Variants in SCHIP1 observed in about 807,000 individuals in gnomAD.
The protein encoded by SCHIP1 is schwannomin interacting protein 1.
In SCHIP1, 8 loss-of-function variants were observed where a neutral mutation model predicts 29.7. The observed-to-expected ratio is 0.27, with a 90% CI of 0.16 to 0.49. The LOEUF (loss-of-function observed/expected upper bound fraction) is 0.49. Ranked by LOEUF, SCHIP1 falls within the 20% of genes least tolerant of loss-of-function variation. SCHIP1 has a pLI of 0.99. For synonymous variants in SCHIP1, 76 were observed against 94.9 expected (o/e 0.80, Z 1.16); for missense variants, 193 against 294.6 (o/e 0.66, Z 2.52).
the SCHIP1 span, among the ~76,000 whole-genome samples, chr3:159,554,028 G>GTGTGTGTGTGTGTA: frequency 3.1e-4 from 23 of 73,448 alleles, no homozygotes; most frequent in African/African-American, 2.5e-3. Flanking sequence ...GTTTGTGTAT[G>GTGTGTGTGTGTGTA]TGTGTGTGTG....
chr3:159,591,721 G>C, the SCHIP1 span, among the ~76,000 whole-genome samples: 4 of 152,054 alleles, frequency 2.6e-5, no homozygotes, highest in East Asian at 7.8e-4. Flanking sequence ...TGAACAATGA[G>C]AACACATGAA....
chr3:159,668,405 C>G, the SCHIP1 span, among the ~76,000 whole-genome samples: 2 of 143,314 alleles, frequency 1.4e-5, no homozygotes, highest in East Asian at 2.0e-4. Flanking sequence ...AAGAGTGAGT[C>G]CCATGAAGGA....
chr3:159,726,944 T>C, the SCHIP1 span, among the ~76,000 whole-genome samples: 1 of 152,166 alleles, frequency 6.6e-6, no homozygotes, highest in Non-Finnish European at 1.5e-5. Context: ...TACTTTTATG[T>C]AACCTGTATA....
chr3:159,392,121 G>C, the SCHIP1 span, among the ~76,000 whole-genome samples: 1 of 152,118 alleles, frequency 6.6e-6, no homozygotes, highest in African/African-American at 2.4e-5. Context: ...AAGCACCTCA[G>C]AGTTGGCAAA....
At chr3:159,454,914 G>A in the SCHIP1 span, among the ~76,000 whole-genome samples, 7 of 152,278 alleles carry the variant, frequency 4.6e-5, no homozygotes, top group East Asian at 3.9e-4. Context: ...GAACTATGTG[G>A]AATACTCTTT....
At chr3:159,647,022 T>C in the SCHIP1 span, among the ~76,000 whole-genome samples, 1 of 151,944 alleles carries the variant, frequency 6.6e-6, no homozygotes, top group Non-Finnish European at 1.5e-5. Flanking sequence ...GATAATGGTG[T>C]GTGGTTGTCA....
At chr3:159,339,550 A>G in the SCHIP1 span, among the ~76,000 whole-genome samples, 30 of 152,302 alleles carry the variant, frequency 2.0e-4, no homozygotes, top group African/African-American at 7.0e-4. Flanking sequence ...TTCTTGAAAC[A>G]TGAAACTGCA....
the SCHIP1 span, among the ~76,000 whole-genome samples, chr3:159,602,554 C>T: frequency 3.3e-5 from 5 of 151,814 alleles, no homozygotes; most frequent in Non-Finnish European, 7.4e-5. Context: ...ACTAAAAATA[C>T]AAAAAATAGC....
At chr3:159,423,191 G>A in the SCHIP1 span, among the ~76,000 whole-genome samples, 1 of 152,236 alleles carries the variant, frequency 6.6e-6, no homozygotes, top group Admixed American at 6.5e-5. Context: ...ACTAGGGAGT[G>A]CCAGACAGTG....
chr3:159,765,345 G>T, the SCHIP1 span: 1 of 555,880 alleles, frequency 1.8e-6, no homozygotes, highest in Non-Finnish European at 2.9e-6. Flanking sequence ...CAGGATGGGC[G>T]GAGAGGAAGG....
chr3:159,313,188 CAGA>C, the SCHIP1 span, among the ~76,000 whole-genome samples: 6 of 152,224 alleles, frequency 3.9e-5, no homozygotes, highest in East Asian at 3.9e-4. Context: ...ATAAGGATTA[CAGA>C]AGAAGATTTA....
chr3:159,508,104 T>C, the SCHIP1 span, among the ~76,000 whole-genome samples: 1 of 152,300 alleles, frequency 6.6e-6, no homozygotes, highest in South Asian at 2.1e-4. Context: ...TCCTGGACTT[T>C]TTTGGTCGGT....
the SCHIP1 span, among the ~76,000 whole-genome samples, chr3:159,322,942 C>A: frequency 6.6e-6 from 1 of 152,316 alleles, no homozygotes; most frequent in South Asian, 2.1e-4. Context: ...GTCCGTGACT[C>A]CTCAGTGACC....
At chr3:159,662,626 C>G in the SCHIP1 span, among the ~76,000 whole-genome samples, 6 of 152,232 alleles carry the variant, frequency 3.9e-5, no homozygotes, top group Non-Finnish European at 7.4e-5. Context: ...GGGGAAAGAA[C>G]AAGAATATAT....
At chr3:159,365,967 T>C in the SCHIP1 span, among the ~76,000 whole-genome samples, 8 of 152,180 alleles carry the variant, frequency 5.3e-5, no homozygotes, top group South Asian at 2.1e-4. Context: ...TCAGTTGTAT[T>C]AGACCGCTCT....
the SCHIP1 span, among the ~76,000 whole-genome samples, chr3:159,285,609 A>T: frequency 6.6e-6 from 1 of 152,032 alleles, no homozygotes; most frequent in African/African-American, 2.4e-5. Context: ...TCTCATATCA[A>T]TTATATTTTA....
At chr3:159,449,129 G>T in the SCHIP1 span, among the ~76,000 whole-genome samples, 1 of 152,166 alleles carries the variant, frequency 6.6e-6, no homozygotes, top group Non-Finnish European at 1.5e-5. Context: ...TGCTGGCATG[G>T]CCTTACCTGC....
chr3:159,500,986 A>G, the SCHIP1 span, among the ~76,000 whole-genome samples: 79,844 of 152,014 alleles, frequency 0.53, 21,236 homozygotes, highest in East Asian at 0.69. Context: ...TGCTTTAATC[A>G]ACACAATAGT....
the SCHIP1 span, among the ~76,000 whole-genome samples, chr3:159,451,647 G>GTC: frequency 6.6e-5 from 10 of 152,218 alleles, no homozygotes; most frequent in Non-Finnish European, 8.8e-5. Flanking sequence ...CAATTGCTTA[G>GTC]TCAATACATG....
Sources: allele counts gnomAD v4.1 joint callset (sites outside exome capture counted in the v4.1 genomes callset), GRCh38; gene constraint gnomAD v4.1.1; transcripts MANE v1.5; gene names NCBI Gene and HGNC (gene_info 2026-07-23, HGNC 2026-07-21).